CSMD1: variants seen among roughly 807,000 people sequenced by gnomAD.
The protein encoded by CSMD1 is CUB and sushi domain-containing protein 1.
Under a neutral mutation model 417.5 loss-of-function variants are expected in CSMD1, and 213 were observed. The observed-to-expected ratio is 0.51, with a 90% confidence interval of 0.46 to 0.57. The LOEUF is 0.57. Ranked by LOEUF, CSMD1 falls within the 20% of genes least tolerant of loss-of-function variation. The probability of loss-of-function intolerance (pLI) is 0.00; values close to 1 mark genes in which losing one functional copy is unlikely to be tolerated. For synonymous variants in CSMD1, 2,862 were observed against 1,736.8 expected, an observed-to-expected ratio of 1.65 and a Z score of -16.11; for missense variants, 6,923 against 4,529.7, an observed-to-expected ratio of 1.53 and a Z score of -15.17.
In CSMD1 at chr8:3,482,948, A is replaced by C. The variant is rs1817828425; in HGVS notation, c.1448+10675T>G. Among the ~76,000 whole-genome samples, 7 of 152,182 alleles carry C rather than the reference A, an allele frequency of 4.6e-5. No homozygotes were observed. The South Asian group carries it at 1.4e-3, about 31-fold the overall frequency. Reference sequence around the variant, plus strand: ...AGAATGAAGTTAAAATAAAAACACAACATATAAAAATATGTGGGAAGCAGA... The same window carrying C: ...AGAATGAAGTTAAAATAAAAACACACCATATAAAAATATGTGGGAAGCAGA... On this transcript the variant is annotated intron_variant, in intron 11 of 69. Coordinates refer to ENST00000635120, the MANE Select transcript of CSMD1 (RefSeq NM_033225.6).
At chr8:3,592,035 G>C (rs192601433) in intron 8 of CSMD1, among the ~76,000 whole-genome samples, 1 of 152,102 alleles carries the variant, frequency 6.6e-6, no homozygotes, top group Admixed American at 6.6e-5. Flanking sequence ...ATAAATAGAT[G>C]ACAGACGAAT....
intron 5 of CSMD1, among the ~76,000 whole-genome samples, chr8:3,933,222 A>G (rs1810274253): frequency 6.6e-6 from 1 of 152,168 alleles, no homozygotes; most frequent in Non-Finnish European, 1.5e-5. Flanking sequence ...TGTTAAGTAG[A>G]AAAGGAGAAG....
chr8:4,818,098 T>C (rs573044582), intron 1 of CSMD1, among the ~76,000 whole-genome samples: 2 of 152,286 alleles, frequency 1.3e-5, no homozygotes, highest in Non-Finnish European at 2.9e-5. Flanking sequence ...ACTGAACACA[T>C]GTAATACAGA....
chr8:3,832,675 G>C (rs886838109), intron 5 of CSMD1, among the ~76,000 whole-genome samples: 6 of 152,236 alleles, frequency 3.9e-5, no homozygotes, highest in Middle Eastern at 3.4e-3. Flanking sequence ...AAGGACCGTG[G>C]ACACTATAGA....
intron 4 of CSMD1, among the ~76,000 whole-genome samples, chr8:3,998,788 G>C (rs1022861226): frequency 3.3e-5 from 5 of 151,554 alleles, no homozygotes; most frequent in Non-Finnish European, 5.9e-5. Context: ...ATCTTGGTAA[G>C]TTTGCTATAG....
chr8:3,470,201 A>G (rs545437349), intron 11 of CSMD1, among the ~76,000 whole-genome samples: 13 of 152,320 alleles, frequency 8.5e-5, no homozygotes, highest in African/African-American at 2.9e-4. Context: ...ATGAAATCAT[A>G]CTATATATAA....
chr8:3,096,192 C>T (rs971225052), intron 47 of CSMD1, among the ~76,000 whole-genome samples: 15 of 152,164 alleles, frequency 9.9e-5, no homozygotes, highest in Admixed American at 2.0e-4. Flanking sequence ...ATTTGGTACA[C>T]TTTCAGGGTG....
intron 20 of CSMD1, 103 bp downstream of exon 20, chr8:3,366,929 G>T (rs10092967): frequency 0.24 from 212,703 of 901,118 alleles, 26,640 homozygotes; most frequent in Admixed American, 0.35. Flanking sequence ...AAACACACAC[G>T]GATGCACACA....
chr8:4,540,919 G>A (rs996426076), intron 2 of CSMD1, among the ~76,000 whole-genome samples: 8 of 152,172 alleles, frequency 5.3e-5, no homozygotes, highest in African/African-American at 1.9e-4. Flanking sequence ...TTATGAGGCT[G>A]TAGACTAAAC....
At chr8:4,127,926 G>T (rs1322460141) in intron 3 of CSMD1, among the ~76,000 whole-genome samples, 2 of 152,146 alleles carry the variant, frequency 1.3e-5, no homozygotes, top group Admixed American at 6.5e-5. Flanking sequence ...TCCAGAGCAT[G>T]CACAGTTAAA....
At chr8:3,563,274 C>T (rs1014731063) in intron 10 of CSMD1, among the ~76,000 whole-genome samples, 7 of 151,828 alleles carry the variant, frequency 4.6e-5, no homozygotes, top group African/African-American at 1.5e-4. Context: ...TCTCACACTC[C>T]TTCCCAGTTA....
intron 3 of CSMD1, among the ~76,000 whole-genome samples, chr8:4,255,437 T>C (rs547842804): frequency 1.3e-4 from 20 of 152,340 alleles, no homozygotes; most frequent in African/African-American, 4.8e-4. Flanking sequence ...TTTTCTCACT[T>C]ACTTTGAAAT....
rs190699689 is a variant in CSMD1 at position 3,791,771 on chromosome 8, C to T, written c.819-37729G>A. 3.3e-5 allele frequency among the ~76,000 whole-genome samples: 5 copies of T among 152,078 alleles called. 1 individual carries two copies. The East Asian group carries it at 5.8e-4, about 18-fold the overall frequency. On this transcript the variant is annotated intron_variant, in intron 5 of 69. Transcript: ENST00000635120. ...CTGGGAGGTGGAAGTTGCAGTGAGC[C>T]GACGTCGCAGCACTGCACTCCAGCC... is the stretch of plus-strand genomic sequence containing the variant.
chr8:3,723,342 C>A (rs994912535), intron 6 of CSMD1, among the ~76,000 whole-genome samples: 17 of 152,080 alleles, frequency 1.1e-4, no homozygotes, highest in African/African-American at 3.6e-4. Flanking sequence ...TAGGTCAGGG[C>A]CGCTGAGCAC....
At chr8:3,448,714 A>G (rs1226895253) in intron 12 of CSMD1, among the ~76,000 whole-genome samples, 1 of 152,156 alleles carries the variant, frequency 6.6e-6, no homozygotes, top group Admixed American at 6.5e-5. Context: ...AGAGTCCTCT[A>G]GGCTGAGCTC....
chr8:3,037,750 CAATT>C (rs1362637932), intron 50 of CSMD1, among the ~76,000 whole-genome samples: 1 of 152,020 alleles, frequency 6.6e-6, no homozygotes, highest in East Asian at 1.9e-4. Context: ...AGTAGATGAC[CAATT>C]AATAGAGTTT....
At chr8:4,525,946 G>T (rs1001153484) in intron 2 of CSMD1, among the ~76,000 whole-genome samples, 1 of 152,154 alleles carries the variant, frequency 6.6e-6, no homozygotes, top group Non-Finnish European at 1.5e-5. Context: ...GAATATCCAT[G>T]ATAGATCTGG....
intron 25 of CSMD1, among the ~76,000 whole-genome samples, chr8:3,300,240 GAT>G (rs1311255269): frequency 3.9e-5 from 6 of 151,952 alleles, no homozygotes; most frequent in Admixed American, 3.9e-4. Flanking sequence ...TAAATAAAAA[GAT>G]AAATGAACAT....
At chr8:4,114,915 T>C (rs1042926108) in intron 3 of CSMD1, among the ~76,000 whole-genome samples, 7 of 152,212 alleles carry the variant, frequency 4.6e-5, no homozygotes, top group South Asian at 2.1e-4. Flanking sequence ...GATAGGAAAA[T>C]AGTATGCTGA....
Sources: allele counts gnomAD v4.1 joint callset (sites outside exome capture counted in the v4.1 genomes callset), GRCh38; gene constraint gnomAD v4.1.1; transcripts MANE v1.5; gene names NCBI Gene and HGNC (gene_info 2026-07-23, HGNC 2026-07-21).